The following NRXN1 variants were observed in gnomAD, a reference collection of about 807,000 sequenced individuals.
NRXN1 encodes the protein neurexin-1.
Under a neutral mutation model 150.9 loss-of-function variants are expected in NRXN1, and 39 were observed. The observed-to-expected ratio is 0.26, with a 90% CI of 0.20 to 0.34. The LOEUF (loss-of-function observed/expected upper bound fraction) is 0.34. NRXN1 is among the 10% of genes least tolerant of loss of function. The pLI is 1.00. For synonymous variants in NRXN1, 924 were observed against 757.0 expected (o/e 1.22, Z -3.62); for missense variants, 1,815 against 1,949.9 (o/e 0.93, Z 1.30).
chr2:50,053,587 C>T lies in NRXN1; in HGVS notation c.3812G>A (p.Arg1271His), dbSNP rs1247862241. The change falls in exon 21 of 23, where the codon CGT (arginine) becomes CAT (histidine). Residue 1271 changes from arginine (R) to histidine (H), a missense_variant. Physicochemically the swap from Arg to His is conservative, Grantham distance 29. Coordinates refer to ENST00000401669, the MANE Select transcript of NRXN1 (RefSeq NM_001330078.2). The stretch of plus-strand genomic sequence containing the variant: ...TTGGCTATTGAAGATTGTGAGCTGA[C>T]GCCCTGTAAAAATAATATTACATAC... ...VVDEWLLDKGRQLTIFNSQAT... is the reference protein window; with the variant it reads ...VVDEWLLDKGHQLTIFNSQAT... 2 of 1,613,830 alleles carry T rather than the reference C, an allele frequency of 1.2e-6. No homozygotes were observed. The highest frequency in any genetic ancestry group is 1.7e-5 in the Admixed American group (1 of 59,984).
chr2:50,264,526 C>G (rs545733405), intron 17 of NRXN1, among the ~76,000 whole-genome samples: 1 of 152,016 alleles, frequency 6.6e-6, no homozygotes, highest in East Asian at 1.9e-4. Context: ...AAAGAGGCAA[C>G]AAACAGCAAA....
Position 50,362,420 on chromosome 2 carries a change from T to A in NRXN1, c.3364+103022A>T, listed in dbSNP as rs184536209. Reference sequence around the variant, plus strand: ...AAAATCTCAGGATACAAAATCAATGTGCAAAAATCACAAGCTTTCCTATAT... The same window carrying A: ...AAAATCTCAGGATACAAAATCAATGAGCAAAAATCACAAGCTTTCCTATAT... On this transcript the variant is annotated intron_variant, in intron 17 of 22. Coordinates refer to ENST00000401669, the MANE Select transcript of NRXN1 (RefSeq NM_001330078.2). 3.3e-5 allele frequency among the ~76,000 whole-genome samples: 5 copies of A among 152,190 alleles called. No individual in the cohort carries two copies. The East Asian group carries it at 7.7e-4, about 23-fold the overall frequency.
intron 18 of NRXN1, among the ~76,000 whole-genome samples, chr2:50,105,765 T>C (rs1192106201): frequency 6.6e-6 from 1 of 152,010 alleles, no homozygotes; most frequent in Non-Finnish European, 1.5e-5. Context: ...GTTCCATGTG[T>C]CATGATCAAT....
At chr2:50,505,035 T>C (rs779094567) in intron 13 of NRXN1, among the ~76,000 whole-genome samples, 3 of 152,150 alleles carry the variant, frequency 2.0e-5, no homozygotes, top group African/African-American at 4.8e-5. Flanking sequence ...AAGTCAACCA[T>C]TCAGTAGTTC....
At chr2:50,807,676 C>A (rs1477588230) in intron 5 of NRXN1, among the ~76,000 whole-genome samples, 1 of 152,104 alleles carries the variant, frequency 6.6e-6, no homozygotes, top group African/African-American at 2.4e-5. Flanking sequence ...CTCTGCTGTA[C>A]TAATTAGATC....
rs572441285 is a variant in NRXN1, at chr2:49,948,815, A to C, written c.4129-5024T>G. 3.3e-5 allele frequency among the ~76,000 whole-genome samples: 5 copies of C among 152,006 alleles called. No individual in the cohort carries two copies. The South Asian group carries it at 6.2e-4, about 19-fold the overall frequency. On this transcript the variant is annotated intron_variant, in intron 21 of 22. Coordinates refer to ENST00000401669, the MANE Select transcript of NRXN1 (RefSeq NM_001330078.2). ...CCTGATGTTTATAACCTTTTTGAGA[A>C]AAGAGACAACCTGCTGAAAAAGACA...
intron 17 of NRXN1, among the ~76,000 whole-genome samples, chr2:50,384,899 A>C (rs2081221247): frequency 6.6e-6 from 1 of 152,128 alleles, no homozygotes; most frequent in Admixed American, 6.6e-5. Flanking sequence ...ACTCTTGGCA[A>C]CTTCTACATT....
intron 5 of NRXN1, among the ~76,000 whole-genome samples, chr2:50,630,728 G>A (rs2104394433): frequency 6.6e-6 from 1 of 151,720 alleles, no homozygotes; most frequent in African/African-American, 2.4e-5. Flanking sequence ...CAAAGATTAT[G>A]TTCAACATAA....
Position 49,957,325 on chromosome 2 carries a change from T to C in NRXN1, c.4129-13534A>G, listed in dbSNP as rs187854763. ...TAGATAGGCATACTATCTAGCACAGTAGCTGGTATATGGAAGATATTATCA... is the reference window on the plus strand; with the variant it reads ...TAGATAGGCATACTATCTAGCACAGCAGCTGGTATATGGAAGATATTATCA... On this transcript the variant is annotated intron_variant, in intron 21 of 22. Coordinates refer to ENST00000401669, the MANE Select transcript of NRXN1 (RefSeq NM_001330078.2). 9.2e-5 allele frequency among the ~76,000 whole-genome samples: 14 copies of C among 152,266 alleles called. No individual in the cohort carries two copies. The East Asian group carries it at 2.3e-3, about 25-fold the overall frequency.
intron 21 of NRXN1, among the ~76,000 whole-genome samples, chr2:50,025,021 A>C (rs1356428110): frequency 6.6e-6 from 1 of 152,156 alleles, no homozygotes; most frequent in Non-Finnish European, 1.5e-5. Flanking sequence ...AGTACTGTTC[A>C]CTCAGCCTAT....
intron 18 of NRXN1, among the ~76,000 whole-genome samples, chr2:50,156,966 T>C (rs2059059576): frequency 6.6e-6 from 1 of 152,048 alleles, no homozygotes; most frequent in Admixed American, 6.6e-5. Flanking sequence ...ATTGAAAGTC[T>C]ATTATGTCCC....
intron 17 of NRXN1, among the ~76,000 whole-genome samples, chr2:50,422,951 C>T (rs1237156912): frequency 6.6e-6 from 1 of 152,142 alleles, no homozygotes; most frequent in Non-Finnish European, 1.5e-5. Flanking sequence ...CCTCAAATAT[C>T]ACTTTTAACC....
chr2:50,418,770 A>G (rs2083747189), intron 17 of NRXN1, among the ~76,000 whole-genome samples: 1 of 152,016 alleles, frequency 6.6e-6, no homozygotes, highest in South Asian at 2.1e-4. Flanking sequence ...CACAGGCAAA[A>G]TATGCATATA....
In NRXN1 at chr2:50,236,695, G is replaced by C. The variant is rs567476857; in HGVS notation, c.3546+94C>G. ...TCCTATAACAAAGTACTGGTTTCTG[G>C]GGGAAGGAAGCATCCAAGAAGCAAA... is the stretch of plus-strand genomic sequence containing the variant. On this transcript the variant is annotated intron_variant, in intron 18 of 22. Transcript: ENST00000401669. The C allele has an allele frequency of 2.0e-4, 223 of 1,092,500 alleles. No homozygotes were observed. The South Asian group carries it at 2.6e-3, about 13-fold the overall frequency. The allele number at this position is 1,092,500 out of a possible 1,614,324, so 67.7% of individuals were successfully genotyped here.
intron 2 of NRXN1, among the ~76,000 whole-genome samples, chr2:50,930,230 T>A (rs13033016): frequency 0.26 from 40,018 of 151,938 alleles, 5,903 homozygotes; most frequent in Non-Finnish European, 0.34. Flanking sequence ...GAATAAAAAA[T>A]GTATCTCTAA....
intron 2 of NRXN1, among the ~76,000 whole-genome samples, chr2:50,969,018 G>T (rs950754779): frequency 1.3e-5 from 2 of 152,012 alleles, no homozygotes; most frequent in African/African-American, 4.8e-5. Flanking sequence ...CGCCAGGTAA[G>T]TCCCAGTAAC....
At chr2:49,996,938 G>C (rs1047147067) in intron 21 of NRXN1, among the ~76,000 whole-genome samples, 7 of 152,044 alleles carry the variant, frequency 4.6e-5, no homozygotes, top group Admixed American at 2.0e-4. Flanking sequence ...TTCTCTCTTG[G>C]TGTACCTCAA....
At chr2:50,101,994 C>T (rs1701044964) in intron 18 of NRXN1, among the ~76,000 whole-genome samples, 1 of 151,886 alleles carries the variant, frequency 6.6e-6, no homozygotes, top group Non-Finnish European at 1.5e-5. Flanking sequence ...AGCTGTCCGA[C>T]ATCCTTAGGA....
intron 8 of NRXN1, chr2:50,616,610 G>T (rs1236554927): frequency 6.6e-6 from 1 of 152,040 alleles, no homozygotes; most frequent in East Asian, 1.9e-4. Flanking sequence ...CCTTGATAGG[G>T]TTCTGTATTC....
Sources: gnomAD v4.1 joint callset for allele counts (sites outside exome capture counted in the v4.1 genomes callset) on GRCh38, gnomAD v4.1.1 for gene constraint, MANE v1.5 for transcripts, NCBI Gene and HGNC (gene_info 2026-07-23, HGNC 2026-07-21) for gene names.